Variants in GABRB1 observed in about 807,000 individuals in gnomAD.
The protein encoded by GABRB1 is gamma-aminobutyric acid receptor subunit beta-1.
Under a neutral mutation model 51.6 loss-of-function variants are expected in GABRB1, and 17 were observed. The ratio of observed to expected loss-of-function variants is 0.33; its 90% CI spans 0.23 to 0.49. GABRB1 has a LOEUF of 0.49. Among genes scored for constraint, GABRB1 ranks in the 20% least tolerant of loss-of-function variants. GABRB1 has a pLI of 0.99. For synonymous variants in GABRB1, 247 were observed against 218.9 expected (o/e 1.13, Z -1.14); for missense variants, 410 against 600.6 (o/e 0.68, Z 3.32).
At chr4:47,251,008 G>C (rs953550859) in intron 4 of GABRB1, among the ~76,000 whole-genome samples, 3 of 151,924 alleles carry the variant, frequency 2.0e-5, no homozygotes, top group Non-Finnish European at 4.4e-5. Flanking sequence ...TTCTTGGGGG[G>C]GTGTTAAAGA....
At chr4:47,383,199 G>A (rs1293826502) in intron 5 of GABRB1, among the ~76,000 whole-genome samples, 1 of 152,166 alleles carries the variant, frequency 6.6e-6, no homozygotes, top group African/African-American at 2.4e-5. Context: ...TGATTCTAGA[G>A]AGGATCCAAA....
Position 47,320,770 on chromosome 4 carries a change from CTT to C in GABRB1, c.544+577_544+578del, listed in dbSNP as rs11313211. ...CACTGATTGTTTTCTTTTCTTTTTTCTTTTTTTTTTTTTTTTTGAGACGGAGT... is the reference window on the plus strand; with the variant it reads ...CACTGATTGTTTTCTTTTCTTTTTTCTTTTTTTTTTTTTTTGAGACGGAGT... On this transcript the variant is annotated intron_variant, in intron 5 of 8. Transcript: ENST00000295454. Among the ~76,000 whole-genome samples, 369 of 105,006 alleles carry C rather than the reference CTT, an allele frequency of 3.5e-3. 1 individual carries two copies. Among genetic ancestry groups the C allele is most frequent in the Non-Finnish European group, 5.5e-3 (276 of 50,160 alleles). 68.9% of individuals were successfully genotyped at this position (105,006 alleles called of 152,430 possible).
intron 5 of GABRB1, among the ~76,000 whole-genome samples, chr4:47,340,881 T>C (rs1006317305): frequency 6.6e-6 from 1 of 152,216 alleles, no homozygotes; most frequent in African/African-American, 2.4e-5. Context: ...AAGACAAGCA[T>C]GTCAGAGTTA....
intron 4 of GABRB1, among the ~76,000 whole-genome samples, chr4:47,259,820 C>T (rs376589827): frequency 6.6e-6 from 1 of 152,188 alleles, no homozygotes; most frequent in African/African-American, 2.4e-5. Context: ...GTATTCTCAA[C>T]CCTAGCTTTT....
At chr4:47,397,513 T>C (rs1401653456) in intron 5 of GABRB1, among the ~76,000 whole-genome samples, 3 of 152,198 alleles carry the variant, frequency 2.0e-5, no homozygotes, top group African/African-American at 4.8e-5. Flanking sequence ...GTTGTAAGTA[T>C]TGAGATTGTA....
At chr4:47,124,743 C>A (rs2109659508) in intron 3 of GABRB1, among the ~76,000 whole-genome samples, 1 of 152,104 alleles carries the variant, frequency 6.6e-6, no homozygotes, top group South Asian at 2.1e-4. Context: ...AGAACTTCAA[C>A]AGCAGACTTG....
At chr4:47,261,165 C>A (rs1302636012) in intron 4 of GABRB1, among the ~76,000 whole-genome samples, 4 of 152,164 alleles carry the variant, frequency 2.6e-5, no homozygotes, top group African/African-American at 9.7e-5. Flanking sequence ...TCTCTCACCA[C>A]TCCTATTCCA....
At chr4:47,339,496 A>G (rs1040001697) in intron 5 of GABRB1, among the ~76,000 whole-genome samples, 5 of 152,130 alleles carry the variant, frequency 3.3e-5, no homozygotes, top group Middle Eastern at 3.4e-3. Flanking sequence ...AATTATGAAC[A>G]AGTACCTAGA....
chr4:47,402,127 G>T (rs547182627), intron 5 of GABRB1, among the ~76,000 whole-genome samples: 2 of 152,174 alleles, frequency 1.3e-5, no homozygotes, highest in African/African-American at 4.8e-5. Flanking sequence ...TTTTAAAAGC[G>T]GGGAAGGGAG....
intron 1 of GABRB1, among the ~76,000 whole-genome samples, chr4:47,001,296 C>A (rs563271401): frequency 1.3e-5 from 2 of 151,968 alleles, no homozygotes; most frequent in African/African-American, 4.8e-5. Flanking sequence ...GCGCCCCCCA[C>A]CACGCCCAGC....
rs34442754 is a variant in GABRB1 at position 47,252,507 on chromosome 4, C to CTTTTTTTT, written c.462-67609_462-67602dup. Among the ~76,000 whole-genome samples the CTTTTTTTT allele has an allele frequency of 2.6e-5, 3 of 116,360 alleles. 1 individual carries two copies. 76.3% of individuals were successfully genotyped at this position (116,360 alleles called of 152,430 possible). A position where few individuals can be genotyped will look rare whatever the true frequency, so the allele number is the denominator to read the frequency against. On this transcript the variant is annotated intron_variant, in intron 4 of 8. Transcript: ENST00000295454. ...CTAAGAAACCATTAATAGCAATTGCCTTTTTTTTTTTTTTTTTTGAGATGG... is the reference window on the plus strand; with the variant it reads ...CTAAGAAACCATTAATAGCAATTGCCTTTTTTTTTTTTTTTTTTTTTTTTTTGAGATGG...
At chr4:47,309,778 A>G (rs916273190) in intron 4 of GABRB1, among the ~76,000 whole-genome samples, 1 of 152,152 alleles carries the variant, frequency 6.6e-6, no homozygotes, top group African/African-American at 2.4e-5. Flanking sequence ...TAATGTCATT[A>G]TGGGTCATTT....
At chr4:46,999,041 T>C (rs991562082) in intron 1 of GABRB1, among the ~76,000 whole-genome samples, 2 of 152,140 alleles carry the variant, frequency 1.3e-5, no homozygotes, top group African/African-American at 2.4e-5. Flanking sequence ...TGCGAATTTT[T>C]AGTTTCTGAA....
chr4:47,126,610 C>T (rs547441932), intron 3 of GABRB1, among the ~76,000 whole-genome samples: 7 of 151,922 alleles, frequency 4.6e-5, no homozygotes, highest in Admixed American at 1.3e-4. Flanking sequence ...CAAATATACA[C>T]GTAAAGTGGC....
At chr4:47,263,240 A>T (rs1722519315) in intron 4 of GABRB1, among the ~76,000 whole-genome samples, 1 of 151,864 alleles carries the variant, frequency 6.6e-6, no homozygotes, top group South Asian at 2.1e-4. Flanking sequence ...AAAGAGCTTA[A>T]CATTAACAAG....
At chr4:47,058,600 C>T (rs1189435072) in intron 3 of GABRB1, among the ~76,000 whole-genome samples, 3 of 152,104 alleles carry the variant, frequency 2.0e-5, no homozygotes, top group Admixed American at 2.0e-4. Flanking sequence ...TTAAACCGTG[C>T]CCCCTTGGAT....
chr4:47,155,743 T>C (rs1717661954), intron 3 of GABRB1, among the ~76,000 whole-genome samples: 1 of 151,718 alleles, frequency 6.6e-6, no homozygotes, highest in South Asian at 2.1e-4. Flanking sequence ...AATAAAATGA[T>C]TTCTTATGGT....
intron 4 of GABRB1, among the ~76,000 whole-genome samples, chr4:47,260,679 T>C (rs987404896): frequency 2.6e-5 from 4 of 152,128 alleles, no homozygotes; most frequent in African/African-American, 9.7e-5. Context: ...GCTTGTAGAG[T>C]TTCTGCCAAG....
chr4:47,154,598 G>T (rs1014875790), intron 3 of GABRB1, among the ~76,000 whole-genome samples: 3 of 151,984 alleles, frequency 2.0e-5, no homozygotes, highest in African/African-American at 4.8e-5. Context: ...TCTGATATGT[G>T]TGTTGATGAG....
Sources: gnomAD v4.1 joint callset for allele counts (sites outside exome capture counted in the v4.1 genomes callset) on GRCh38, gnomAD v4.1.1 for gene constraint, MANE v1.5 for transcripts, NCBI Gene and HGNC (gene_info 2026-07-23, HGNC 2026-07-21) for gene names.